The following CABLES1 variants were observed in gnomAD, a reference collection of about 807,000 sequenced individuals.
The protein encoded by CABLES1 is CDK5 and ABL1 enzyme substrate 1.
CABLES1 carries 36 observed loss-of-function variants against 57.8 expected under a neutral mutation model. The observed-to-expected ratio is 0.62, with a 90% confidence interval of 0.48 to 0.82. CABLES1 has a LOEUF of 0.82. Among genes scored for constraint, CABLES1 ranks in the 40% least tolerant of loss-of-function variants. The probability of loss-of-function intolerance (pLI) is 0.00; values close to 1 mark genes in which losing one functional copy is unlikely to be tolerated. For missense variants in CABLES1, 767 were observed against 836.6 expected, an observed-to-expected ratio of 0.92 and a Z score of 1.03; for synonymous variants, 374 against 363.0, an observed-to-expected ratio of 1.03 and a Z score of -0.35.
intron 1 of CABLES1, among the ~76,000 whole-genome samples, chr18:23,185,788 A>G (rs1446205222): frequency 1.3e-5 from 2 of 152,226 alleles, no homozygotes; most frequent in Non-Finnish European, 1.5e-5. Flanking sequence ...TCCGAAGCCT[A>G]TACATTTATT....
intron 1 of CABLES1, among the ~76,000 whole-genome samples, chr18:23,162,722 C>T (rs181635102): frequency 3.6e-4 from 55 of 152,148 alleles, no homozygotes; most frequent in African/African-American, 1.3e-3. Flanking sequence ...GCCACCAGCA[C>T]CTGAGAAGTG....
chr18:23,230,731 G>A (rs1419512610), intron 4 of CABLES1, among the ~76,000 whole-genome samples: 2 of 152,112 alleles, frequency 1.3e-5, no homozygotes, highest in Non-Finnish European at 2.9e-5. Flanking sequence ...AGGCTGAGGG[G>A]AAATTGAGAC....
intron 3 of CABLES1, among the ~76,000 whole-genome samples, chr18:23,209,711 C>T (rs2047390132): frequency 6.6e-6 from 1 of 152,234 alleles, no homozygotes; most frequent in South Asian, 2.1e-4. Flanking sequence ...GACCTTCTCA[C>T]AACCAACAGA....
At chr18:23,217,710 A>T (rs1278811980) in intron 4 of CABLES1, among the ~76,000 whole-genome samples, 1 of 152,284 alleles carries the variant, frequency 6.6e-6, no homozygotes, top group Non-Finnish European at 1.5e-5. Context: ...TAAATATACG[A>T]ATAAATATAT....
chr18:23,180,079 C>T (rs546304729), intron 1 of CABLES1, among the ~76,000 whole-genome samples: 55 of 152,000 alleles, frequency 3.6e-4, no homozygotes, highest in Non-Finnish European at 6.6e-4. Flanking sequence ...CCACCACGCC[C>T]GGCTAATTTT....
At chr18:23,188,456 G>T (rs539898849) in intron 1 of CABLES1, among the ~76,000 whole-genome samples, 8 of 152,244 alleles carry the variant, frequency 5.3e-5, no homozygotes, top group Admixed American at 2.0e-4. Flanking sequence ...CAGTGATAGT[G>T]GAATACTTAA....
Position 23,259,328 on chromosome 18 carries a change from GGGTGGGGGGAGGGA to G in CABLES1, c.*1962_*1975del, listed in dbSNP as rs1301539392. On this transcript the variant is annotated 3_prime_UTR_variant, in exon 10 of 10. Coordinates refer to ENST00000256925, the MANE Select transcript of CABLES1 (RefSeq NM_001100619.3). ...ATTTCCTGCCAAGCTCTGGGGAGTGGGGTGGGGGGAGGGACGTCCGATGGATGACAGGCCGCCAG... is the reference window on the plus strand; with the variant it reads ...ATTTCCTGCCAAGCTCTGGGGAGTGGCGTCCGATGGATGACAGGCCGCCAG... 4.0e-5 allele frequency: 6 copies of G among 150,746 alleles called. No homozygotes were observed. Among genetic ancestry groups the G allele is most frequent in the Non-Finnish European group, 5.9e-5 (4 of 67,624 alleles). The allele number at this position is 150,746 out of a possible 1,614,324, so 9.3% of individuals were successfully genotyped here. A position where few individuals can be genotyped will look rare whatever the true frequency, so the allele number is the denominator to read the frequency against.
intron 1 of CABLES1, among the ~76,000 whole-genome samples, chr18:23,174,754 GA>G (rs1568053833): frequency 6.8e-6 from 1 of 147,788 alleles, no homozygotes; most frequent in Non-Finnish European, 1.5e-5. Flanking sequence ...TTACAGGTGT[GA>G]GCCCACCGCG....
chr18:23,198,719 A>G (rs1264285815), intron 3 of CABLES1, among the ~76,000 whole-genome samples: 2 of 152,236 alleles, frequency 1.3e-5, no homozygotes, highest in Non-Finnish European at 2.9e-5. Context: ...GCCATAAACC[A>G]AGAAATGCAG....
intron 1 of CABLES1, among the ~76,000 whole-genome samples, chr18:23,141,872 A>G (rs1228548562): frequency 6.6e-6 from 1 of 152,174 alleles, no homozygotes; most frequent in African/African-American, 2.4e-5. Flanking sequence ...TTCTCTCTTC[A>G]GAAAGATAGC....
At chr18:23,177,257 C>A (rs565320957) in intron 1 of CABLES1, among the ~76,000 whole-genome samples, 2 of 152,072 alleles carry the variant, frequency 1.3e-5, no homozygotes, top group African/African-American at 2.4e-5. Flanking sequence ...CCCGTCAGAC[C>A]AAGTCTCAGG....
intron 1 of CABLES1, 24 bp from the exon 2 acceptor site, chr18:23,188,814 C>T (rs1170436726): frequency 3.8e-6 from 6 of 1,592,326 alleles, no homozygotes; most frequent in Non-Finnish European, 5.2e-6. Context: ...TTTTAACTCC[C>T]AGATTTTTTC....
chr18:23,218,771 A>G (rs879043181), intron 4 of CABLES1, among the ~76,000 whole-genome samples: 5 of 152,266 alleles, frequency 3.3e-5, no homozygotes, highest in Admixed American at 6.5e-5. Flanking sequence ...AAGCAGACAG[A>G]CCAACCTTAG....
At chr18:23,218,245 A>AGCCCTGCCTCCCACATCCTCACTT (rs1307505439) in intron 4 of CABLES1, among the ~76,000 whole-genome samples, 13 of 151,664 alleles carry the variant, frequency 8.6e-5, no homozygotes, top group East Asian at 1.9e-4. Context: ...CAAGCTTCCC[A>AGCCCTGCCTCCCACATCCTCACTT]GCCCTGCCTC....
intron 1 of CABLES1, among the ~76,000 whole-genome samples, chr18:23,184,747 C>T (rs914696415): frequency 2.0e-5 from 3 of 152,118 alleles, no homozygotes; most frequent in Non-Finnish European, 4.4e-5. Context: ...TATTTTCTCA[C>T]AGGTCTGAAG....
chr18:23,251,375 C>G (rs924289101), intron 7 of CABLES1, among the ~76,000 whole-genome samples: 2 of 152,112 alleles, frequency 1.3e-5, no homozygotes, highest in African/African-American at 4.8e-5. Flanking sequence ...TGCTTAAACC[C>G]AAGAGGCGGA....
rs568206842 is a variant in CABLES1, at chr18:23,142,453, C to T, written c.845+5846C>T. On this transcript the variant is annotated intron_variant, in intron 1 of 9. Coordinates refer to ENST00000256925, the MANE Select transcript of CABLES1 (RefSeq NM_001100619.3). ...TGTAGTAACCTCTATTGCTAAAGGG[C>T]CTTCAGGTTTACAAAGTACTGTTGT... 3.3e-3 allele frequency among the ~76,000 whole-genome samples: 500 copies of T among 152,244 alleles called. 4 individuals are homozygous for T. Among genetic ancestry groups the T allele is most frequent in the African/African-American group, 0.011 (464 of 41,526 alleles).
At chr18:23,190,877 C>A (rs574286513) in intron 2 of CABLES1, among the ~76,000 whole-genome samples, 20 of 152,054 alleles carry the variant, frequency 1.3e-4, no homozygotes, top group African/African-American at 4.3e-4. Context: ...GAGTTCAAGA[C>A]CAGCCTGGGC....
At chr18:23,241,606 T>G (rs1158303003) in intron 7 of CABLES1, among the ~76,000 whole-genome samples, 2 of 152,248 alleles carry the variant, frequency 1.3e-5, no homozygotes, top group Non-Finnish European at 2.9e-5. Context: ...TGATAGATAT[T>G]TGTTCATGCG....
Sources: gnomAD v4.1 joint callset for allele counts (sites outside exome capture counted in the v4.1 genomes callset) on GRCh38, gnomAD v4.1.1 for gene constraint, MANE v1.5 for transcripts, NCBI Gene and HGNC (gene_info 2026-07-23, HGNC 2026-07-21) for gene names.